Variants in MLPH observed in about 807,000 individuals in gnomAD.
The protein encoded by MLPH is exophilin-3.
In MLPH, 51 loss-of-function variants were observed where a neutral mutation model predicts 72.1. That is an observed-to-expected ratio of 0.71 (90% CI 0.56 to 0.89). The LOEUF is 0.89. MLPH is among the 40% of genes least tolerant of loss of function. The pLI, the probability that MLPH is intolerant of heterozygous loss-of-function variation, is 0.00. For missense variants in MLPH, 743 were observed against 759.9 expected (o/e 0.98, Z 0.26); for synonymous variants, 301 against 310.1 (o/e 0.97, Z 0.31).
chr2:237,515,565 C>T (rs1016922829), intron 4 of MLPH, among the ~76,000 whole-genome samples: 2 of 152,156 alleles, frequency 1.3e-5, no homozygotes, highest in African/African-American at 4.8e-5. Flanking sequence ...GCGGTCGTTT[C>T]ACATAAGGAA....
At chr2:237,550,745 C>T (rs1404308656) in intron 14 of MLPH, among the ~76,000 whole-genome samples, 1 of 152,134 alleles carries the variant, frequency 6.6e-6, no homozygotes, top group Non-Finnish European at 1.5e-5. Flanking sequence ...GACGGGTTTT[C>T]ACCACGTTGG....
intron 2 of MLPH, among the ~76,000 whole-genome samples, chr2:237,501,826 T>A (rs994810961): frequency 4.4e-4 from 66 of 151,500 alleles, no homozygotes; most frequent in African/African-American, 1.5e-3. Flanking sequence ...CCTCAAAAAA[T>A]AATAATAATA....
rs1053327876 is a variant in MLPH, at chr2:237,553,178, T to A, written c.1777-388T>A. On this transcript the variant is annotated intron_variant, in intron 15 of 15. Transcript: ENST00000264605. ...TGAAGGGAAGTTACAAAGTTACACA[T>A]GAAGACTTGGCCGATGACCAGTCTG... 1.1e-4 allele frequency: 53 copies of A among 480,078 alleles called. No individual in the cohort carries two copies. In the Admixed American group the frequency reaches 1.2e-3, roughly 11 times the overall value. 29.7% of individuals were successfully genotyped at this position (480,078 alleles called of 1,614,324 possible).
In MLPH at chr2:237,527,468, G is replaced by T; in HGVS notation, c.972G>T (p.Met324Ile). 1 of 1,614,154 alleles carries T rather than the reference G, an allele frequency of 6.2e-7. No homozygotes were observed. The highest frequency in any genetic ancestry group is 1.1e-5 in the South Asian group (1 of 91,070). The change falls in exon 8 of 16, where the codon ATG becomes ATT. Residue 324 changes from methionine to isoleucine, a missense_variant. Physicochemically the swap from Met to Ile is conservative, Grantham distance 10 (BLOSUM62 1). Coordinates refer to ENST00000264605, the MANE Select transcript of MLPH (RefSeq NM_024101.7). Reference sequence around the variant, plus strand: ...AGGAAAGCATCCGGGCTCACGTGATGGCCTCCCACCATTCCAAGCGGAGAG... The same window carrying T: ...AGGAAAGCATCCGGGCTCACGTGATTGCCTCCCACCATTCCAAGCGGAGAG... Reference protein sequence around the residue: ...SDEESIRAHVMASHHSKRRGR... With the variant: ...SDEESIRAHVIASHHSKRRGR...
At chr2:237,546,512 G>A in intron 12 of MLPH, 94 bp from the exon 13 acceptor site, 1 of 1,064,620 alleles carries the variant, frequency 9.4e-7, no homozygotes, top group Non-Finnish European at 1.5e-6. Context: ...CATGTATAGA[G>A]AGCATCCATC....
intron 2 of MLPH, among the ~76,000 whole-genome samples, chr2:237,502,167 T>C (rs893113650): frequency 6.6e-6 from 1 of 152,178 alleles, no homozygotes; most frequent in Non-Finnish European, 1.5e-5. Context: ...TCATCTTGAG[T>C]GTTTTAGATT....
intron 2 of MLPH, among the ~76,000 whole-genome samples, chr2:237,503,590 C>G (rs58521071): frequency 0.047 from 7,183 of 152,198 alleles, 467 homozygotes; most frequent in African/African-American, 0.15. Context: ...AGTCATTTGG[C>G]CCCTGGATCC....
At chr2:237,487,144 G>C (rs1003041050), upstream of MLPH, 1 of 150,368 alleles carries the variant, frequency 6.7e-6, no homozygotes, top group African/African-American at 2.4e-5. Flanking sequence ...TGTCCGTTCC[G>C]TTCCGCCCTC....
intron 5 of MLPH, 96 bp from the exon 6 acceptor site, chr2:237,519,814 G>A: frequency 6.3e-7 from 1 of 1,582,992 alleles, no homozygotes; most frequent in South Asian, 1.1e-5. Context: ...CCGCCCCTCT[G>A]GGGGCTGAGT....
chr2:237,512,736 A>G lies in MLPH; in HGVS notation c.445+1635A>G, dbSNP rs1293673223. On this transcript the variant is annotated intron_variant, in intron 4 of 15. Transcript: ENST00000264605. This position sits in a 1 kb window ranked among gnomAD's most constrained non-coding sequence, Gnocchi z 5.5. ...CTTAAGGATAGAAACGACACATAAC[A>G]CCGGGAAAAGCCATGCTGTCAAGCA... 6.6e-6 allele frequency among the ~76,000 whole-genome samples: 1 copy of G among 151,912 alleles called. No individual in the cohort carries two copies. The highest frequency in any genetic ancestry group is 2.4e-5 in the African/African-American group (1 of 41,326).
At chr2:237,542,152 G>A (rs1193961442) in intron 11 of MLPH, among the ~76,000 whole-genome samples, 1 of 152,154 alleles carries the variant, frequency 6.6e-6, no homozygotes, top group Admixed American at 6.5e-5. Context: ...AGCTGCTGTG[G>A]GAGGAGGGGC....
upstream of MLPH, chr2:237,486,439 G>A (rs1490375100): frequency 6.6e-6 from 1 of 152,334 alleles, no homozygotes; most frequent in African/African-American, 2.4e-5. Context: ...GGCAGGCCGG[G>A]CGGACTGGAG....
rs192040892 is a variant in MLPH at position 237,500,138 on chromosome 2, G to A, written c.110+6602G>A. 1.3e-3 allele frequency among the ~76,000 whole-genome samples: 196 copies of A among 152,306 alleles called. 1 individual carries two copies. The highest frequency in any genetic ancestry group is 4.3e-3 in the African/African-American group (178 of 41,566). On this transcript the variant is annotated intron_variant, in intron 2 of 15. Coordinates refer to ENST00000264605, the MANE Select transcript of MLPH (RefSeq NM_024101.7). ...GAGCCCTCTCTGGATGTGGCTCTAC[G>A]TCGTGTGTTGGAGTCTAGTCCCTTC...
At chr2:237,546,909 C>T (rs1226084856) in intron 13 of MLPH, among the ~76,000 whole-genome samples, 1 of 151,946 alleles carries the variant, frequency 6.6e-6, no homozygotes, top group Non-Finnish European at 1.5e-5. Context: ...TGTTGAAAAT[C>T]CAAGAAAGCC....
At position 237,522,772 on chromosome 2, in the gene MLPH, A is replaced by G. The variant is rs1559356212; in HGVS notation, c.675+2743A>G. ...TGCTAAGAGAAAGCTAATTAATGGA[A>G]GGGGTTGGGGGTGGGGTCTGGAATA... is the stretch of plus-strand genomic sequence containing the variant. On this transcript the variant is annotated intron_variant, in intron 6 of 15. Transcript: ENST00000264605. Among the ~76,000 whole-genome samples, 4 of 151,530 alleles carry G rather than the reference A, an allele frequency of 2.6e-5. No individual in the cohort carries two copies. The South Asian group carries it at 8.4e-4, about 32-fold the overall frequency.
At position 237,540,972 on chromosome 2, in the gene MLPH, A is replaced by G. The variant is rs1220743929; in HGVS notation, c.1446+15A>G. 1 of 1,592,426 alleles carries G rather than the reference A, an allele frequency of 6.3e-7. No individual in the cohort carries two copies. The highest frequency in any genetic ancestry group is 2.3e-5 in the East Asian group (1 of 44,376). On this transcript the variant is annotated intron_variant, in intron 11 of 15. Transcript: ENST00000264605. ...CAGAGAGCGAGGTAGCCCAGAAGGC[A>G]CAGGGGAGCACTGAGTTCCACAAAC...
intron 12 of MLPH, among the ~76,000 whole-genome samples, chr2:237,546,154 T>C (rs145295494): frequency 3.9e-5 from 6 of 152,286 alleles, no homozygotes; most frequent in Admixed American, 6.5e-5. Flanking sequence ...TTGCATTCTT[T>C]TGAGTTCTTG....
intron 2 of MLPH, among the ~76,000 whole-genome samples, chr2:237,509,269 A>C (rs1001497980): frequency 2.0e-5 from 3 of 152,174 alleles, no homozygotes; most frequent in Non-Finnish European, 4.4e-5. Flanking sequence ...GCCCCAGGAC[A>C]CTTCTGGGCT....
Position 237,542,664 on chromosome 2 carries a change from G to T in MLPH, c.1539+5G>T. On this transcript the variant is annotated splice_donor_5th_base_variant and intron_variant, in intron 12 of 15. Coordinates refer to ENST00000264605, the MANE Select transcript of MLPH (RefSeq NM_024101.7). ...CGGAGGAAGTCAAACCTCCCGGTGA[G>T]TGGGGGGCAGTGGTGAGTGGAGACA... 1 of 1,560,492 alleles carries T rather than the reference G, an allele frequency of 6.4e-7. No individual in the cohort carries two copies. The highest frequency in any genetic ancestry group is 8.7e-7 in the Non-Finnish European group (1 of 1,152,588).
Sources: gnomAD v4.1 joint callset for allele counts (sites outside exome capture counted in the v4.1 genomes callset) on GRCh38, gnomAD v4.1.1 for gene constraint, Gnocchi (gnomAD v3.1) non-coding constraint, MANE v1.5 for transcripts, NCBI Gene and HGNC (gene_info 2026-07-23, HGNC 2026-07-21) for gene names.